PCDHA5: variants seen among roughly 807,000 people sequenced by gnomAD.
PCDHA5 encodes the protein protocadherin alpha 5.
PCDHA5 carries 43 observed loss-of-function variants against 61.6 expected under a neutral mutation model. The observed-to-expected ratio is 0.70, with a 90% confidence interval of 0.55 to 0.90. The LOEUF (loss-of-function observed/expected upper bound fraction) is 0.90, where lower values mean the gene tolerates loss of function less well. Ranked by LOEUF, PCDHA5 falls within the 40% of genes least tolerant of loss-of-function variation. The pLI is 0.00. For missense variants in PCDHA5, 1,298 were observed against 1,222.7 expected, an observed-to-expected ratio of 1.06 and a Z score of -0.92; for synonymous variants, 627 against 543.9, an observed-to-expected ratio of 1.15 and a Z score of -2.13.
intron 3 of PCDHA5, among the ~76,000 whole-genome samples, chr5:141,000,391 C>CTATATA (rs2097912428): frequency 7.1e-5 from 4 of 56,662 alleles, no homozygotes; most frequent in Non-Finnish European, 1.2e-4. Flanking sequence ...CTCTCTCTCT[C>CTATATA]TCTCTATATA....
At chr5:140,977,661 CTGCA>C (rs1554238727) in intron 1 of PCDHA5, among the ~76,000 whole-genome samples, 1 of 152,168 alleles carries the variant, frequency 6.6e-6, no homozygotes, top group Non-Finnish European at 1.5e-5. Flanking sequence ...GGCTAATTCT[CTGCA>C]TGCCAAATAT....
chr5:140,996,237 G>T (rs1169717703), intron 3 of PCDHA5, among the ~76,000 whole-genome samples: 1 of 152,186 alleles, frequency 6.6e-6, no homozygotes, highest in Non-Finnish European at 1.5e-5. Context: ...GTTGCTCAAG[G>T]CTGAGAAGTG....
intron 1 of PCDHA5, chr5:140,882,820 C>G (rs782663593): frequency 1.2e-6 from 2 of 1,614,102 alleles, no homozygotes; most frequent in African/African-American, 2.7e-5. Flanking sequence ...ACGCACAAAA[C>G]AGTCTTGAGC....
chr5:140,943,467 G>C lies in PCDHA5; in HGVS notation c.2353-35482G>C, dbSNP rs559827697. 2.0e-5 allele frequency among the ~76,000 whole-genome samples: 3 copies of C among 152,126 alleles called. No individual in the cohort carries two copies. The East Asian group carries it at 5.8e-4, about 29-fold the overall frequency. On this transcript the variant is annotated intron_variant, in intron 1 of 3. Coordinates refer to ENST00000529859, the MANE Select transcript of PCDHA5 (RefSeq NM_018908.3). ...AGAATTGATAAGGCTAAATGTGGGA[G>C]ATACAGTAAAATAATAAATAGATGC... is the stretch of plus-strand genomic sequence containing the variant.
At chr5:140,998,881 T>C (rs892142070) in intron 3 of PCDHA5, among the ~76,000 whole-genome samples, 13 of 152,224 alleles carry the variant, frequency 8.5e-5, no homozygotes, top group Admixed American at 2.6e-4. Flanking sequence ...ATAAGTTTAG[T>C]TGAATAAATA....
intron 1 of PCDHA5, among the ~76,000 whole-genome samples, chr5:140,943,172 C>T (rs1370908273): frequency 2.7e-5 from 4 of 148,068 alleles, no homozygotes; most frequent in African/African-American, 1.0e-4. Context: ...GCAGGAAAAT[C>T]GCTTGAACCC....
intron 1 of PCDHA5, chr5:140,867,086 T>G (rs2049743912): frequency 6.6e-6 from 1 of 152,178 alleles, no homozygotes; most frequent in African/African-American, 2.4e-5. Context: ...ACTGTATTGT[T>G]GGAAATTAAC....
chr5:140,893,110 G>A (rs2063824937), intron 1 of PCDHA5, among the ~76,000 whole-genome samples: 1 of 152,124 alleles, frequency 6.6e-6, no homozygotes, highest in South Asian at 2.1e-4. Context: ...ATATTCCGTT[G>A]TGCATATACA....
intron 1 of PCDHA5, chr5:140,841,216 G>T: frequency 7.1e-7 from 1 of 1,417,674 alleles, no homozygotes; most frequent in South Asian, 1.4e-5. Flanking sequence ...GTCTCTAAAG[G>T]CCGAACAACG....
chr5:140,968,876 A>G (rs782240993), intron 1 of PCDHA5: 51 of 1,614,112 alleles, frequency 3.2e-5, no homozygotes, highest in Non-Finnish European at 4.1e-5. Context: ...ATACTCTGAA[A>G]TTACCCTTTA....
Position 140,843,107 on chromosome 5 carries a change from G to T in PCDHA5, c.2352+18980G>T, listed in dbSNP as rs1554139748. The T allele has an allele frequency of 5.6e-6, 9 of 1,595,816 alleles. 1 individual carries two copies. Among genetic ancestry groups the T allele is most frequent in the Non-Finnish European group, 6.9e-6 (8 of 1,165,524 alleles). ...GGGCCACGTGGTAGCGAAGGTGCGCGCAGTGGACGCCGACTCGGGCTACAA... is the reference window on the plus strand; with the variant it reads ...GGGCCACGTGGTAGCGAAGGTGCGCTCAGTGGACGCCGACTCGGGCTACAA... On this transcript the variant is annotated intron_variant, in intron 1 of 3. Coordinates refer to ENST00000529859, the MANE Select transcript of PCDHA5 (RefSeq NM_018908.3).
intron 1 of PCDHA5, among the ~76,000 whole-genome samples, chr5:140,892,396 T>G (rs1263522999): frequency 1.3e-5 from 2 of 152,212 alleles, no homozygotes; most frequent in Non-Finnish European, 2.9e-5. Context: ...TCTTAATCTA[T>G]TTCAAGCTTC....
chr5:141,001,102 A>T (rs1197761807), intron 3 of PCDHA5, among the ~76,000 whole-genome samples: 1 of 152,076 alleles, frequency 6.6e-6, no homozygotes, highest in African/African-American at 2.4e-5. Context: ...TCTAATCCAT[A>T]ATAAGCAATC....
chr5:140,935,921 C>G (rs1480748257), intron 1 of PCDHA5, among the ~76,000 whole-genome samples: 2 of 129,532 alleles, frequency 1.5e-5, no homozygotes, highest in African/African-American at 5.8e-5. Context: ...GAGACAGATT[C>G]TCATTCTGTT....
chr5:140,979,604 A>T (rs1326370777), intron 2 of PCDHA5, among the ~76,000 whole-genome samples: 1 of 152,204 alleles, frequency 6.6e-6, no homozygotes, highest in African/African-American at 2.4e-5. Context: ...AAATTAACCT[A>T]GAGTAACGGT....
intron 1 of PCDHA5, chr5:140,856,534 A>G (rs782489948): frequency 6.3e-7 from 1 of 1,598,482 alleles, no homozygotes; most frequent in Non-Finnish European, 8.6e-7. Context: ...CGGATGTTGG[A>G]GAGAACGCAT....
Position 140,822,050 on chromosome 5 carries a change from A to G in PCDHA5, c.275A>G (p.Glu92Gly). Reference protein sequence around the residue: ...ILFVNSRIDREELCRRRAECS... With the variant: ...ILFVNSRIDRGELCRRRAECS... ...TTTGTGAATTCTCGGATCGACCGGG[A>G]GGAGCTGTGCCGGCGGAGGGCGGAG... is the stretch of plus-strand genomic sequence containing the variant. Residue 92 changes from glutamate (E) to glycine (G), a missense_variant, in exon 1 of 4, where the codon GAG becomes GGG. Glu to Gly is a moderately conservative substitution (Grantham distance 98, BLOSUM62 -2). Coordinates refer to ENST00000529859, the MANE Select transcript of PCDHA5 (RefSeq NM_018908.3). 6.2e-7 allele frequency: 1 copy of G among 1,614,182 alleles called. No individual in the cohort carries two copies.
intron 1 of PCDHA5, chr5:140,829,309 G>T (rs2150165707): frequency 1.2e-6 from 2 of 1,614,252 alleles, no homozygotes; most frequent in South Asian, 1.1e-5. Flanking sequence ...ATTACTACTC[G>T]TTGGTGCTGG....
intron 1 of PCDHA5, among the ~76,000 whole-genome samples, chr5:140,915,981 C>T (rs11167655): frequency 0.33 from 49,706 of 151,966 alleles, 8,424 homozygotes; most frequent in East Asian, 0.53. Flanking sequence ...TATTTGACTA[C>T]GGCTAAGCTG....
Sources: allele counts gnomAD v4.1 joint callset (sites outside exome capture counted in the v4.1 genomes callset), GRCh38; gene constraint gnomAD v4.1.1; transcripts MANE v1.5; gene names NCBI Gene and HGNC (gene_info 2026-07-23, HGNC 2026-07-21).